SMURF2: variants seen among roughly 807,000 people sequenced by gnomAD.
SMURF2 encodes the protein SMAD specific E3 ubiquitin protein ligase 2.
In SMURF2, 48 loss-of-function variants were observed where a neutral mutation model predicts 109.6. The observed-to-expected ratio is 0.44, with a 90% CI of 0.35 to 0.56. SMURF2 has a LOEUF of 0.56. Ranked by LOEUF, SMURF2 falls within the 20% of genes least tolerant of loss-of-function variation. The probability of loss-of-function intolerance (pLI) is 0.01; values close to 1 mark genes in which losing one functional copy is unlikely to be tolerated. For synonymous variants in SMURF2, 288 were observed against 317.1 expected, an observed-to-expected ratio of 0.91 and a Z score of 0.97; for missense variants, 575 against 909.0, an observed-to-expected ratio of 0.63 and a Z score of 4.72.
chr17:64,629,489 G>C (rs1364688278), intron 1 of SMURF2, among the ~76,000 whole-genome samples: 1 of 152,204 alleles, frequency 6.6e-6, no homozygotes, highest in South Asian at 2.1e-4. Context: ...GGACAACAGA[G>C]AGAGACCCTG....
At position 64,602,727 on chromosome 17, in the gene SMURF2, G is replaced by A. The variant is rs190485178; in HGVS notation, c.91+3875C>T. ...GTGGATCACGAGGTCACGAGTTCAA[G>A]ACCATCCTGGCTAACACGGTGCAAC... On this transcript the variant is annotated intron_variant, in intron 2 of 18. Transcript: ENST00000262435. Among the ~76,000 whole-genome samples the A allele has an allele frequency of 5.9e-5, 9 of 152,250 alleles. No individual in the cohort carries two copies. In the East Asian group the frequency reaches 1.5e-3, roughly 26 times the overall value.
chr17:64,566,075 T>C (rs1969296111), intron 10 of SMURF2, among the ~76,000 whole-genome samples: 1 of 151,926 alleles, frequency 6.6e-6, no homozygotes, highest in Non-Finnish European at 1.5e-5. Flanking sequence ...TAGACATAGA[T>C]TCAAAACTCC....
In SMURF2 at chr17:64,662,100, C is replaced by T; in HGVS notation, c.-220G>A. 2.8e-6 allele frequency: 3 copies of T among 1,066,746 alleles called. No individual in the cohort carries two copies. Among genetic ancestry groups the T allele is most frequent in the Non-Finnish European group, 3.4e-6 (3 of 882,838 alleles). The allele number at this position is 1,066,746 out of a possible 1,614,324, so 66.1% of individuals were successfully genotyped here. ...CCCACTTCTCCTTCCTCGGCCCGGG[C>T]CGCACAACAAAGCGGCAGCCGCGGC... is the stretch of plus-strand genomic sequence containing the variant. On this transcript the variant is annotated 5_prime_UTR_variant, in exon 1 of 19. Coordinates refer to ENST00000262435, the MANE Select transcript of SMURF2 (RefSeq NM_022739.4).
chr17:64,643,049 G>C (rs182732419), intron 1 of SMURF2, among the ~76,000 whole-genome samples: 31 of 152,194 alleles, frequency 2.0e-4, no homozygotes, highest in Non-Finnish European at 3.8e-4. Context: ...CTTTGAGATA[G>C]GTTCTCGCTC....
chr17:64,578,946 A>G (rs1254581299), intron 8 of SMURF2, among the ~76,000 whole-genome samples: 1 of 152,258 alleles, frequency 6.6e-6, no homozygotes, highest in Admixed American at 6.5e-5. Context: ...AGGAACTTCC[A>G]GAAATTTTCA....
chr17:64,611,328 G>T (rs1173346984), intron 1 of SMURF2, among the ~76,000 whole-genome samples: 2 of 151,962 alleles, frequency 1.3e-5, no homozygotes, highest in Non-Finnish European at 2.9e-5. Flanking sequence ...TATTCTCTCT[G>T]GTCTTTACCA....
Position 64,546,264 on chromosome 17 carries a change from A to C in SMURF2, c.2146T>G (p.Cys716Gly). ...AATACAGCTACAAAAATACCTTACC[A>C]AGTGTGGGCTTTCGGCAGGTTGTTA... ...CTNNLPKAHT[C>G]FNRIDIPPYE... Residue 716 changes from cysteine to glycine, a missense_variant and splice_region_variant, in exon 18 of 19, where the codon TGC (cysteine) becomes GGC (glycine). Cys to Gly is a radical substitution (Grantham distance 159). Transcript: ENST00000262435. 1 of 1,614,026 alleles carries C rather than the reference A, an allele frequency of 6.2e-7. No homozygotes were observed. Among genetic ancestry groups the C allele is most frequent in the Non-Finnish European group, 8.5e-7 (1 of 1,179,880 alleles).
intron 1 of SMURF2, among the ~76,000 whole-genome samples, chr17:64,660,431 G>C (rs1970760500): frequency 6.6e-6 from 1 of 152,086 alleles, no homozygotes; most frequent in African/African-American, 2.4e-5. Context: ...TCCAATCCAG[G>C]TTTTCCATTA....
At position 64,543,118 on chromosome 17, in the gene SMURF2, CATG is replaced by C. The variant is rs1457893945; in HGVS notation, c.*2727_*2729del. On this transcript the variant is annotated 3_prime_UTR_variant, in exon 19 of 19. Coordinates refer to ENST00000262435, the MANE Select transcript of SMURF2 (RefSeq NM_022739.4). ...CATGGAAATAAATATTCACATTAAA[CATG>C]AGGTGCAAGTCCATGGTTCAATAAT... 1 of 152,106 alleles carries C rather than the reference CATG, an allele frequency of 6.6e-6. No homozygotes were observed. The highest frequency in any genetic ancestry group is 1.5e-5 in the Non-Finnish European group (1 of 68,022). The allele number at this position is 152,106 out of a possible 1,614,324, so 9.4% of individuals were successfully genotyped here.
At chr17:64,552,058 C>T (rs1404622406) in intron 15 of SMURF2, among the ~76,000 whole-genome samples, 2 of 152,134 alleles carry the variant, frequency 1.3e-5, no homozygotes, top group Non-Finnish European at 2.9e-5. Context: ...AGCTCTTTCA[C>T]TCAAAAATGA....
At chr17:64,658,311 C>A (rs1323988077) in intron 1 of SMURF2, among the ~76,000 whole-genome samples, 1 of 152,096 alleles carries the variant, frequency 6.6e-6, no homozygotes, top group Non-Finnish European at 1.5e-5. Context: ...GGGCCGAGAT[C>A]AAGCCCTTCA....
intron 1 of SMURF2, among the ~76,000 whole-genome samples, chr17:64,642,822 T>C (rs1970509120): frequency 6.6e-6 from 1 of 151,916 alleles, no homozygotes; most frequent in African/African-American, 2.4e-5. Context: ...TGAGACAGGG[T>C]CTTCCTCTGT....
At chr17:64,641,292 T>C (rs182967421) in intron 1 of SMURF2, among the ~76,000 whole-genome samples, 1 of 152,216 alleles carries the variant, frequency 6.6e-6, no homozygotes, top group East Asian at 1.9e-4. Flanking sequence ...AAATAAATTA[T>C]AAAAGCTGAA....
intron 1 of SMURF2, among the ~76,000 whole-genome samples, chr17:64,625,183 C>T (rs1970252552): frequency 6.6e-6 from 1 of 152,202 alleles, no homozygotes; most frequent in South Asian, 2.1e-4. Context: ...CACACCTTCC[C>T]CTTTGGGTGC....
At chr17:64,646,278 C>A (rs1276889842) in intron 1 of SMURF2, among the ~76,000 whole-genome samples, 1 of 151,632 alleles carries the variant, frequency 6.6e-6, no homozygotes, top group Admixed American at 6.6e-5. Flanking sequence ...ATTGGCCAGG[C>A]TGGTATTGAA....
intron 16 of SMURF2, among the ~76,000 whole-genome samples, chr17:64,548,365 A>G (rs1240818963): frequency 6.6e-5 from 10 of 152,128 alleles, no homozygotes; most frequent in African/African-American, 2.4e-4. Context: ...TGGGTGTTGA[A>G]TAAGTGAGTC....
intron 1 of SMURF2, among the ~76,000 whole-genome samples, chr17:64,632,115 C>T (rs145297614): frequency 2.0e-5 from 3 of 152,198 alleles, no homozygotes; most frequent in Middle Eastern, 3.4e-3. Context: ...CTCACTACCA[C>T]ACCCAGCTAA....
chr17:64,623,414 TCATAA>T (rs1555690840), intron 1 of SMURF2, among the ~76,000 whole-genome samples: 2 of 152,100 alleles, frequency 1.3e-5, no homozygotes, highest in African/African-American at 4.8e-5. Flanking sequence ...CCAGATTGAG[TCATAA>T]CATAACTCAT....
At chr17:64,603,406 A>G (rs1306814683) in intron 2 of SMURF2, among the ~76,000 whole-genome samples, 1 of 151,890 alleles carries the variant, frequency 6.6e-6, no homozygotes, top group Non-Finnish European at 1.5e-5. Flanking sequence ...ACATGGTGAA[A>G]CCCCGTCTCT....
Sources: gnomAD v4.1 joint callset for allele counts (sites outside exome capture counted in the v4.1 genomes callset) on GRCh38, gnomAD v4.1.1 for gene constraint, MANE v1.5 for transcripts, NCBI Gene and HGNC (gene_info 2026-07-23, HGNC 2026-07-21) for gene names.